The following CCDC30 variants were observed in gnomAD, a reference collection of about 807,000 sequenced individuals.
CCDC30 encodes the protein coiled-coil domain-containing protein 30.
A neutral mutation model predicts 100.2 loss-of-function variants in CCDC30; 70 were observed. The ratio of observed to expected loss-of-function variants is 0.70; its 90% CI spans 0.58 to 0.85. The LOEUF is 0.85. CCDC30 is among the 40% of genes least tolerant of loss of function. The pLI is 0.00. For synonymous variants in CCDC30, 233 were observed against 269.5 expected (o/e 0.86, Z 1.33); for missense variants, 652 against 771.2 (o/e 0.85, Z 1.83).
At chr1:42,628,108 G>T (rs1371568910) in intron 11 of CCDC30, among the ~76,000 whole-genome samples, 1 of 152,216 alleles carries the variant, frequency 6.6e-6, no homozygotes, top group Non-Finnish European at 1.5e-5. Context: ...CAAGACCATG[G>T]AAACCCACTT....
At chr1:42,468,150 G>A (rs1643650957) in intron 1 of CCDC30, among the ~76,000 whole-genome samples, 1 of 152,204 alleles carries the variant, frequency 6.6e-6, no homozygotes, top group Admixed American at 6.5e-5. Flanking sequence ...AGCTGGTTGT[G>A]TGAGGGACAG....
chr1:42,570,139 A>G (rs145711506), intron 7 of CCDC30, among the ~76,000 whole-genome samples: 67 of 152,254 alleles, frequency 4.4e-4, no homozygotes, highest in African/African-American at 1.6e-3. Context: ...AAACTAAAAT[A>G]AATTAATTAT....
chr1:42,622,819 A>G (rs1304326949), intron 11 of CCDC30, among the ~76,000 whole-genome samples: 1 of 152,088 alleles, frequency 6.6e-6, no homozygotes, highest in Non-Finnish European at 1.5e-5. Context: ...TGTTCTCCAT[A>G]GTGGTTGTAC....
At chr1:42,630,607 C>A (rs1647020077) in intron 11 of CCDC30, among the ~76,000 whole-genome samples, 1 of 151,958 alleles carries the variant, frequency 6.6e-6, no homozygotes, top group Admixed American at 6.6e-5. Context: ...TTCTCGAACT[C>A]CTGACCTCAG....
intron 10 of CCDC30, among the ~76,000 whole-genome samples, chr1:42,607,066 AT>A (rs1170913911): frequency 6.6e-6 from 1 of 152,216 alleles, no homozygotes; most frequent in Non-Finnish European, 1.5e-5. Flanking sequence ...AAGAGAAGTC[AT>A]TATATGACAA....
At chr1:42,589,200 A>T in intron 9 of CCDC30, 121 bp from the exon 14 acceptor site, 1 of 659,680 alleles carries the variant, frequency 1.5e-6, no homozygotes, top group Non-Finnish European at 2.5e-6. Flanking sequence ...TAGCTTATAG[A>T]CACATACCCT....
In CCDC30 at chr1:42,527,205, G is replaced by A. The variant is rs560065857; in HGVS notation, c.456+28289G>A. On this transcript the variant is annotated intron_variant, in intron 6 of 16. Coordinates refer to ENST00000668663, the Ensembl canonical transcript of CCDC30. ...GTACTTGTTGTACACCCCTACTACA[G>A]AGCTGATAACTTTACAGGGTAACTT... Among the ~76,000 whole-genome samples, 5 of 152,324 alleles carry A rather than the reference G, an allele frequency of 3.3e-5. No homozygotes were observed. The South Asian group carries it at 1.0e-3, about 32-fold the overall frequency.
At chr1:42,459,487 G>C (rs1038528002), upstream of CCDC30, 4 of 918,064 alleles carry the variant, frequency 4.4e-6, no homozygotes, top group Non-Finnish European at 6.6e-6. Flanking sequence ...ACATTTAACT[G>C]AAAAGTTTGA....
intron 3 of CCDC30, among the ~76,000 whole-genome samples, chr1:42,484,129 ATAAT>A (rs991648548): frequency 1.5e-4 from 22 of 143,932 alleles, no homozygotes; most frequent in Admixed American, 4.1e-4. Flanking sequence ...AAAACAAATA[ATAAT>A]AAAAAAAAGA....
At chr1:42,556,038 T>G in intron 6 of CCDC30, 118 bp from the exon 10 acceptor site, 1 of 976,754 alleles carries the variant, frequency 1.0e-6, no homozygotes, top group Non-Finnish European at 1.5e-6. Context: ...ACTGTTGTGC[T>G]ATAGAATTCA....
At position 42,635,119 on chromosome 1, in the gene CCDC30, A is replaced by G. The variant is rs541345678; in HGVS notation, c.1278-2118A>G. Reference sequence around the variant, plus strand: ...TGCCCAGGCTGGAGTGCAGGGGCGCAATCTTGGCTCACTGCAACCTCCGCC... The same window carrying G: ...TGCCCAGGCTGGAGTGCAGGGGCGCGATCTTGGCTCACTGCAACCTCCGCC... On this transcript the variant is annotated intron_variant, in intron 11 of 16. Coordinates refer to ENST00000668663, the Ensembl canonical transcript of CCDC30. Among the ~76,000 whole-genome samples the G allele has an allele frequency of 7.0e-4, 106 of 152,140 alleles. 1 individual carries two copies. The highest frequency in any genetic ancestry group is 2.8e-4 in the Non-Finnish European group (19 of 67,990).
chr1:42,456,724 G>A, the CCDC30 span: 1 of 1,609,480 alleles, frequency 6.2e-7, no homozygotes, highest in East Asian at 2.2e-5. Flanking sequence ...AAGCGCGGCC[G>A]GTGCGCTTCC....
At chr1:42,615,087 C>A (rs1646699510) in intron 11 of CCDC30, among the ~76,000 whole-genome samples, 1 of 152,200 alleles carries the variant, frequency 6.6e-6, no homozygotes, top group Admixed American at 6.5e-5. Flanking sequence ...TCAAATCCAT[C>A]TCCTTGAGGA....
At chr1:42,633,563 G>GT (rs1391686100) in intron 11 of CCDC30, among the ~76,000 whole-genome samples, 4 of 151,650 alleles carry the variant, frequency 2.6e-5, no homozygotes, top group African/African-American at 7.3e-5. Context: ...TTTTGTTTTT[G>GT]TTTTTTTCCA....
intron 3 of CCDC30, among the ~76,000 whole-genome samples, chr1:42,485,385 A>G (rs1644033536): frequency 6.6e-6 from 1 of 152,246 alleles, no homozygotes; most frequent in East Asian, 1.9e-4. Flanking sequence ...AAGTGAAAAG[A>G]CAACTCATAG....
rs544116361 is a variant in CCDC30, at chr1:42,587,349, A to G, written c.1002-1972A>G. ...CAGCTCTCAAATTTTACTGCCAATA[A>G]CTCAAGTGTTTTTAGTTTCAGTGGA... On this transcript the variant is annotated intron_variant, in intron 9 of 16. Transcript: ENST00000668663. Among the ~76,000 whole-genome samples, 4 of 152,236 alleles carry G rather than the reference A, an allele frequency of 2.6e-5. No homozygotes were observed. The East Asian group carries it at 5.8e-4, about 22-fold the overall frequency.
intron 4 of CCDC30, among the ~76,000 whole-genome samples, chr1:42,491,492 G>A (rs1644140419): frequency 7.1e-6 from 1 of 141,756 alleles, no homozygotes; most frequent in South Asian, 2.2e-4. Flanking sequence ...GGGAGGTGGG[G>A]AATGGTTAAT....
upstream of CCDC30, among the ~76,000 whole-genome samples, chr1:42,461,445 A>G (rs1378253445): frequency 6.6e-6 from 1 of 152,096 alleles, no homozygotes; most frequent in Non-Finnish European, 1.5e-5. Flanking sequence ...AAGCACTCCT[A>G]CTGCCACAGC....
chr1:42,582,640 T>C (rs901528029), intron 9 of CCDC30, among the ~76,000 whole-genome samples: 1 of 152,200 alleles, frequency 6.6e-6, no homozygotes, highest in African/African-American at 2.4e-5. Flanking sequence ...CAGGTTATCA[T>C]TTGGCTTTCT....
Sources: gnomAD v4.1 joint callset for allele counts (sites outside exome capture counted in the v4.1 genomes callset) on GRCh38, gnomAD v4.1.1 for gene constraint, MANE v1.5 for transcripts, NCBI Gene and HGNC (gene_info 2026-07-23, HGNC 2026-07-21) for gene names.